The following TACC2 variants were observed in gnomAD, a reference collection of about 807,000 sequenced individuals.
TACC2 encodes transforming acidic coiled-coil containing protein 2.
A neutral mutation model predicts 227.3 loss-of-function variants in TACC2; 137 were observed. That is an observed-to-expected ratio of 0.60 (90% CI 0.52 to 0.69). The LOEUF (loss-of-function observed/expected upper bound fraction) is 0.69, where lower values mean the gene tolerates loss of function less well. Among genes scored for constraint, TACC2 ranks in the 30% least tolerant of loss-of-function variants. The probability of loss-of-function intolerance (pLI) is 0.00; values close to 1 mark genes in which losing one functional copy is unlikely to be tolerated. For synonymous variants in TACC2, 1,523 were observed against 1,487.5 expected, an observed-to-expected ratio of 1.02 and a Z score of -0.55; for missense variants, 3,470 against 3,694.4, an observed-to-expected ratio of 0.94 and a Z score of 1.57.
chr10:122,064,703 G>A (rs574355992), intron 3 of TACC2, among the ~76,000 whole-genome samples: 1 of 152,196 alleles, frequency 6.6e-6, no homozygotes, highest in Admixed American at 6.6e-5. Flanking sequence ...TATGATATTA[G>A]TTTCACTGCC....
At chr10:122,076,979 G>T (rs768448952) in intron 3 of TACC2, among the ~76,000 whole-genome samples, 1 of 152,048 alleles carries the variant, frequency 6.6e-6, no homozygotes, top group Non-Finnish European at 1.5e-5. Flanking sequence ...GCTGGGCATG[G>T]TGGCAAAGGC....
Position 122,087,027 on chromosome 10 carries a change from G to C in TACC2, c.4527G>C (p.Leu1509Phe), listed in dbSNP as rs1201971567. The C allele has an allele frequency of 6.2e-7, 1 of 1,613,882 alleles. No individual in the cohort carries two copies. Among genetic ancestry groups the C allele is most frequent in the East Asian group, 2.2e-5 (1 of 44,872 alleles). ...CAGGGCTGACCTGGGAGCGGAACTT[G>C]CCAGGTGCCGGTGTGGGGAAGGAGA... ...GPAGLTWERN[L>F]PGAGVGKEMA... The change falls in exon 4 of 23, where the codon TTG (leucine) becomes TTC (phenylalanine). Residue 1509 changes from leucine (L) to phenylalanine (F), a missense_variant. Physicochemically the swap from Leu to Phe is conservative, Grantham distance 22. Transcript: ENST00000369005.
chr10:122,084,944 G>A lies in TACC2; in HGVS notation c.2444G>A (p.Arg815Lys), dbSNP rs1489555792. 1.2e-6 allele frequency: 2 copies of A among 1,614,084 alleles called. No homozygotes were observed. Among genetic ancestry groups the A allele is most frequent in the East Asian group, 2.2e-5 (1 of 44,886 alleles). Residue 815 changes from arginine (R) to lysine (K), a missense_variant, in exon 4 of 23, where the codon AGA (arginine) becomes AAA (lysine). By Grantham distance (26) the Arg-to-Lys change is conservative. Around this residue, in one of 10 missense-constraint regions of TACC2, gnomAD observed 1,924 missense variants for 1,978.3 expected, o/e 0.97. Transcript: ENST00000369005. ...TCCTGCCCAGGGGAAGGCTGGATAA[G>A]AGGAGCTGCATCCGAGTGGCCCCTA... ...IPSCPGEGWIRGAASEWPLLS... is the reference protein window; with the variant it reads ...IPSCPGEGWIKGAASEWPLLS...
chr10:122,114,928 A>G (rs2084364657), intron 5 of TACC2, among the ~76,000 whole-genome samples: 1 of 152,196 alleles, frequency 6.6e-6, no homozygotes, highest in Non-Finnish European at 1.5e-5. Flanking sequence ...ATATTTTAGC[A>G]AGAAGGAAAG....
At chr10:122,236,221 C>G (rs796965663) in intron 16 of TACC2, among the ~76,000 whole-genome samples, 22 of 152,154 alleles carry the variant, frequency 1.4e-4, no homozygotes, top group Non-Finnish European at 2.4e-4. Flanking sequence ...AATGTTGGCT[C>G]TTTAATCTTA....
chr10:122,171,993 T>G (rs941244477), intron 7 of TACC2, among the ~76,000 whole-genome samples: 2 of 152,148 alleles, frequency 1.3e-5, no homozygotes, highest in African/African-American at 4.8e-5. Context: ...AAGTGGAAAA[T>G]AGCTGTAGCC....
intron 3 of TACC2, among the ~76,000 whole-genome samples, chr10:122,063,453 T>C (rs1158573988): frequency 6.6e-6 from 1 of 152,242 alleles, no homozygotes; most frequent in African/African-American, 2.4e-5. Context: ...TCCTGACTTT[T>C]GACGCTGGCT....
At chr10:122,136,253 T>C (rs2089607640) in intron 6 of TACC2, among the ~76,000 whole-genome samples, 1 of 151,984 alleles carries the variant, frequency 6.6e-6, no homozygotes, top group South Asian at 2.1e-4. Context: ...TCAACAGCAC[T>C]TCACCTTGCC....
chr10:122,232,005 A>G (rs548045137), intron 16 of TACC2, among the ~76,000 whole-genome samples: 11 of 152,264 alleles, frequency 7.2e-5, no homozygotes, highest in African/African-American at 2.4e-4. Context: ...CCTTGGCCAT[A>G]CCCAAAAGAG....
intron 3 of TACC2, among the ~76,000 whole-genome samples, chr10:122,068,955 C>T (rs2077704565): frequency 6.6e-6 from 1 of 151,856 alleles, no homozygotes; most frequent in Non-Finnish European, 1.5e-5. Flanking sequence ...GCCTCAGCCT[C>T]CCAAAGTGCT....
chr10:122,031,144 C>T (rs1958900360), intron 2 of TACC2, among the ~76,000 whole-genome samples: 1 of 152,098 alleles, frequency 6.6e-6, no homozygotes, highest in African/African-American at 2.4e-5. Context: ...GAGACAGAAG[C>T]CCATCTTCGG....
chr10:122,230,443 A>G lies in TACC2; in HGVS notation c.8127+3A>G. 2 of 1,613,866 alleles carry G rather than the reference A, an allele frequency of 1.2e-6. No homozygotes were observed. The highest frequency in any genetic ancestry group is 1.7e-6 in the Non-Finnish European group (2 of 1,179,824). Reference sequence around the variant, plus strand: ...CCCGCAGCCACCAGGATGCCAAGGTACCGGTTTGCTGCTGCGTGCGCCACC... The same window carrying G: ...CCCGCAGCCACCAGGATGCCAAGGTGCCGGTTTGCTGCTGCGTGCGCCACC... On this transcript the variant is annotated splice_donor_region_variant and intron_variant, in intron 16 of 22. Transcript: ENST00000369005.
Position 122,082,680 on chromosome 10 carries a change from C to T in TACC2, c.180C>T (p.Thr60=), listed in dbSNP as rs762252775. Residue 60 remains threonine, a synonymous_variant, in exon 4 of 23, where the codon ACC becomes ACT. Coordinates refer to ENST00000369005, the MANE Select transcript of TACC2 (RefSeq NM_206862.4). ...GCGTTGGGCTTGGAGGCTTCTGCAC[C>T]GCTTCTGAGAGTTCTGCCAGCCTGG... ...IGSVGLGGFC[T]ASESSASLDP... 23 of 1,613,426 alleles carry T rather than the reference C, an allele frequency of 1.4e-5. No homozygotes were observed. Among genetic ancestry groups the T allele is most frequent in the East Asian group, 4.5e-5 (2 of 44,862 alleles).
chr10:122,125,510 A>G (rs2086664131), intron 5 of TACC2, among the ~76,000 whole-genome samples: 1 of 151,940 alleles, frequency 6.6e-6, no homozygotes, highest in Admixed American at 6.6e-5. Flanking sequence ...CATGACCTTT[A>G]TGAGTACAGC....
intron 3 of TACC2, among the ~76,000 whole-genome samples, chr10:122,079,815 G>T (rs2079240605): frequency 6.6e-6 from 1 of 152,240 alleles, no homozygotes; most frequent in African/African-American, 2.4e-5. Context: ...CAAATGGCAT[G>T]GGTGGTACCC....
chr10:122,047,574 C>A (rs566204915), intron 2 of TACC2, among the ~76,000 whole-genome samples: 1 of 152,140 alleles, frequency 6.6e-6, no homozygotes, highest in South Asian at 2.1e-4. Flanking sequence ...AACACTGCCC[C>A]GTGGAAGGGA....
intron 4 of TACC2, 99 bp downstream of exon 4, chr10:122,088,058 C>G: frequency 7.7e-7 from 1 of 1,306,018 alleles, no homozygotes; most frequent in South Asian, 2.2e-5. Flanking sequence ...GAGTGGTTTT[C>G]TAAAAGCTGA....
intron 7 of TACC2, among the ~76,000 whole-genome samples, chr10:122,153,920 C>G (rs1214648543): frequency 6.6e-6 from 1 of 152,170 alleles, no homozygotes; most frequent in Non-Finnish European, 1.5e-5. Context: ...GAGCAACCAA[C>G]CTGTCTTCCT....
chr10:121,990,660 ACTAC>A (rs1294901808), intron 1 of TACC2, among the ~76,000 whole-genome samples: 1 of 151,900 alleles, frequency 6.6e-6, no homozygotes, highest in African/African-American at 2.4e-5. Flanking sequence ...TAATTCCTCA[ACTAC>A]CAGGCCGTCA....
Sources: allele counts gnomAD v4.1 joint callset (sites outside exome capture counted in the v4.1 genomes callset), GRCh38; gene constraint gnomAD v4.1.1; regional missense constraint gnomAD v4.1.1; transcripts MANE v1.5; gene names NCBI Gene and HGNC (gene_info 2026-07-23, HGNC 2026-07-21).